The following TMC5 variants were observed in gnomAD, a reference collection of about 807,000 sequenced individuals.
TMC5 encodes the protein transmembrane channel-like protein 5.
TMC5 carries 86 observed loss-of-function variants against 110.5 expected under a neutral mutation model. The ratio of observed to expected loss-of-function variants is 0.78; its 90% CI spans 0.65 to 0.93. The LOEUF (loss-of-function observed/expected upper bound fraction) is 0.93, where lower values mean the gene tolerates loss of function less well. TMC5 is among the 40% of genes least tolerant of loss of function. TMC5 has a pLI of 0.00. For missense variants in TMC5, 1,144 were observed against 1,222.8 expected (o/e 0.94, Z 0.96); for synonymous variants, 455 against 439.5 (o/e 1.04, Z -0.44).
At chr16:19,485,701 T>C (rs542830533) in intron 15 of TMC5, among the ~76,000 whole-genome samples, 14 of 152,342 alleles carry the variant, frequency 9.2e-5, no homozygotes, top group African/African-American at 3.4e-4. Flanking sequence ...AGCAATCCCA[T>C]TCCAAAAAGT....
At chr16:19,428,164 T>C (rs1166374327) in intron 1 of TMC5, among the ~76,000 whole-genome samples, 2 of 152,218 alleles carry the variant, frequency 1.3e-5, no homozygotes, top group Non-Finnish European at 2.9e-5. Flanking sequence ...AGAGATTTGA[T>C]AGGCTTCAAA....
At chr16:19,450,087 T>C (rs894985821) in intron 5 of TMC5, among the ~76,000 whole-genome samples, 1 of 152,208 alleles carries the variant, frequency 6.6e-6, no homozygotes, top group Non-Finnish European at 1.5e-5. Context: ...GCCATTTCCT[T>C]TGACCTCCAG....
chr16:19,450,595 C>T (rs141713515), intron 5 of TMC5, among the ~76,000 whole-genome samples: 2,121 of 151,032 alleles, frequency 0.014, 51 homozygotes, highest in African/African-American at 0.049. Flanking sequence ...CCAGAGAACA[C>T]GGCCAATAGC....
At chr16:19,461,234 C>A (rs903170992) in intron 6 of TMC5, among the ~76,000 whole-genome samples, 1 of 152,158 alleles carries the variant, frequency 6.6e-6, no homozygotes, top group Admixed American at 6.6e-5. Flanking sequence ...ACTGTCTTTG[C>A]AAGTTTACTG....
chr16:19,491,322 T>C (rs1483993941), intron 18 of TMC5, among the ~76,000 whole-genome samples: 1 of 147,746 alleles, frequency 6.8e-6, no homozygotes, highest in Non-Finnish European at 1.5e-5. Flanking sequence ...GCATTGATAG[T>C]TTTTTTGAAG....
At position 19,444,218 on chromosome 16, in the gene TMC5, ACT is replaced by A. The variant is rs778094569; in HGVS notation, c.931_932del (p.Leu311AlafsTer16). The A allele has an allele frequency of 6.2e-7, 1 of 1,613,786 alleles. No individual in the cohort carries two copies. The highest frequency in any genetic ancestry group is 8.5e-7 in the Non-Finnish European group (1 of 1,179,966). On this transcript the variant is annotated frameshift_variant, in exon 4 of 22. Transcript: ENST00000542583. LOFTEE classifies it high-confidence loss of function. ...ATGGAGATGGCAAACTCATATGGCC[ACT>A]CTCTGCCAGGTGCTCCTGGAAGTGG...
chr16:19,465,135 T>C (rs1968154266), intron 8 of TMC5, among the ~76,000 whole-genome samples: 1 of 138,416 alleles, frequency 7.2e-6, no homozygotes, highest in African/African-American at 2.7e-5. Flanking sequence ...CTCCCTCCCT[T>C]CCTGGACCCC....
chr16:19,491,159 A>G lies in TMC5; in HGVS notation c.2747+591A>G, dbSNP rs527354629. On this transcript the variant is annotated intron_variant, in intron 18 of 21. Coordinates refer to ENST00000542583, the MANE Select transcript of TMC5 (RefSeq NM_001261841.2). ...CAAGTAGCTGGGCTTGCAGGTGTGCACCACTACACTTGGCTAATTTTTAAA... is the reference window on the plus strand; with the variant it reads ...CAAGTAGCTGGGCTTGCAGGTGTGCGCCACTACACTTGGCTAATTTTTAAA... Among the ~76,000 whole-genome samples, 5 of 152,036 alleles carry G rather than the reference A, an allele frequency of 3.3e-5. No homozygotes were observed. In the South Asian group the frequency reaches 6.2e-4, roughly 19 times the overall value.
intron 19 of TMC5, among the ~76,000 whole-genome samples, chr16:19,493,269 G>C (rs1356491180): frequency 6.6e-6 from 1 of 151,506 alleles, no homozygotes; most frequent in Non-Finnish European, 1.5e-5. Context: ...CTGAGATAAA[G>C]ACTTTTAAAA....
chr16:19,415,745 C>A (rs1047768324), upstream of TMC5, among the ~76,000 whole-genome samples: 13 of 152,186 alleles, frequency 8.5e-5, no homozygotes, highest in African/African-American at 2.2e-4. Flanking sequence ...GCTCTTGGGG[C>A]AAACCAAACT....
At position 19,454,975 on chromosome 16, in the gene TMC5, T is replaced by TA. The variant is rs200061277; in HGVS notation, c.1049-5251dup. On this transcript the variant is annotated intron_variant, in intron 5 of 21. Coordinates refer to ENST00000542583, the MANE Select transcript of TMC5 (RefSeq NM_001261841.2). ...ACAACAAAGTGAGACCCTATGTCTT[T>TA]AAAAAAAAACAAATAGCTGGGCATG... Among the ~76,000 whole-genome samples, 1,464 of 149,676 alleles carry TA rather than the reference T, an allele frequency of 9.8e-3. 12 individuals are homozygous for TA. Among genetic ancestry groups the TA allele is most frequent in the Non-Finnish European group, 0.016 (1,076 of 67,288 alleles).
Position 19,463,931 on chromosome 16 carries a change from C to A in TMC5, c.1392C>A (p.Phe464Leu). The A allele has an allele frequency of 6.2e-7, 1 of 1,614,184 alleles. No individual in the cohort carries two copies. The highest frequency in any genetic ancestry group is 8.5e-7 in the Non-Finnish European group (1 of 1,180,026). Residue 464 changes from phenylalanine (F) to leucine (L), a missense_variant, in exon 8 of 22, where the codon TTC (phenylalanine) becomes TTA (leucine). By Grantham distance (22) the Phe-to-Leu change is conservative. Coordinates refer to ENST00000542583, the MANE Select transcript of TMC5 (RefSeq NM_001261841.2). ...TTTTGAAGTTCAACATTTTCTCATT[C>A]ATCCTGAACTTCAGCTTCATCATAA... is the stretch of plus-strand genomic sequence containing the variant. Reference protein sequence around the residue: ...RWLLKFNIFSFILNFSFIIIP... With the variant: ...RWLLKFNIFSLILNFSFIIIP...
chr16:19,420,918 T>C (rs1966968684), intron 1 of TMC5, among the ~76,000 whole-genome samples: 1 of 152,208 alleles, frequency 6.6e-6, no homozygotes, highest in Non-Finnish European at 1.5e-5. Flanking sequence ...TGGAATTTTA[T>C]CCTGTGTCAG....
intron 4 of TMC5, 32 bp from the exon 5 acceptor site, chr16:19,449,510 A>G: frequency 1.3e-6 from 2 of 1,571,238 alleles, no homozygotes; most frequent in Non-Finnish European, 1.8e-6. Context: ...TGGTGAGACT[A>G]ATCGGCAATA....
upstream of TMC5, among the ~76,000 whole-genome samples, chr16:19,416,190 G>GA (rs752182776): frequency 4.7e-3 from 597 of 125,786 alleles, 1 homozygote; most frequent in Middle Eastern, 8.0e-3. Flanking sequence ...TGTCTCAAAG[G>GA]AAAAAAAAAA....
At chr16:19,462,157 C>G (rs1968039638) in intron 6 of TMC5, among the ~76,000 whole-genome samples, 1 of 152,136 alleles carries the variant, frequency 6.6e-6, no homozygotes, top group Admixed American at 6.6e-5. Flanking sequence ...GTATGGCTGC[C>G]TCTGTCACTG....
upstream of TMC5, among the ~76,000 whole-genome samples, chr16:19,417,528 C>T (rs4499218): frequency 0.84 from 127,183 of 151,582 alleles, 53,636 homozygotes; most frequent in African/African-American, 0.93. Context: ...CCCACACCAC[C>T]TCACACTCTA....
chr16:19,431,029 T>A (rs534719478), intron 2 of TMC5, among the ~76,000 whole-genome samples: 6 of 152,132 alleles, frequency 3.9e-5, no homozygotes, highest in Non-Finnish European at 5.9e-5. Flanking sequence ...AACAATTTTT[T>A]AAAAATTATT....
At chr16:19,472,270 A>G (rs370258884) in intron 11 of TMC5, 27 bp downstream of exon 11, 16 of 1,611,274 alleles carry the variant, frequency 9.9e-6, no homozygotes, top group African/African-American at 1.3e-5. Context: ...TCCAGGGCAG[A>G]GAGAACCAGG....
Sources: gnomAD v4.1 joint callset for allele counts (sites outside exome capture counted in the v4.1 genomes callset) on GRCh38, gnomAD v4.1.1 for gene constraint, MANE v1.5 for transcripts, NCBI Gene and HGNC (gene_info 2026-07-23, HGNC 2026-07-21) for gene names.